Variants in ANKFN1 observed in about 807,000 individuals in gnomAD.
ANKFN1 encodes ankyrin repeat and fibronectin type-III domain-containing protein 1.
Under a neutral mutation model 108.7 loss-of-function variants are expected in ANKFN1, and 74 were observed. The ratio of observed to expected loss-of-function variants is 0.68; its 90% CI spans 0.56 to 0.83. ANKFN1 has a LOEUF of 0.83. Ranked by LOEUF, ANKFN1 falls within the 40% of genes least tolerant of loss-of-function variation. The pLI is 0.00. For missense variants in ANKFN1, 1,505 were observed against 1,382.3 expected, an observed-to-expected ratio of 1.09 and a Z score of -1.41; for synonymous variants, 547 against 516.2, an observed-to-expected ratio of 1.06 and a Z score of -0.81.
At chr17:56,218,225 C>A in intron 2 of ANKFN1, among the ~76,000 whole-genome samples, 1 of 148,718 alleles carries the variant, frequency 6.7e-6, no homozygotes, top group African/African-American at 2.5e-5. Flanking sequence ...CCCTCCCTCC[C>A]CTCTTCCCTC....
intron 19 of ANKFN1, among the ~76,000 whole-genome samples, chr17:56,495,174 T>C (rs1345420169): frequency 6.6e-6 from 1 of 152,100 alleles, no homozygotes. Flanking sequence ...GTTCAAAATA[T>C]AACTTCTTGG....
At chr17:56,129,997 A>T (rs1249706453) in intron 4 of ANKFN1, among the ~76,000 whole-genome samples, 2 of 152,250 alleles carry the variant, frequency 1.3e-5, no homozygotes, top group South Asian at 2.1e-4. Context: ...CAGGTAACAT[A>T]CTAGCAGTTT....
chr17:56,391,870 T>C (rs748417479), intron 8 of ANKFN1, among the ~76,000 whole-genome samples: 2 of 152,192 alleles, frequency 1.3e-5, no homozygotes, highest in Non-Finnish European at 2.9e-5. Flanking sequence ...CCTGTATTCC[T>C]AGCATAGGAC....
chr17:56,344,934 T>C (rs764130421), intron 4 of ANKFN1, among the ~76,000 whole-genome samples: 11 of 152,102 alleles, frequency 7.2e-5, no homozygotes, highest in Non-Finnish European at 1.5e-4. Context: ...TGTGCAAGTT[T>C]GTTACATAGG....
At chr17:56,497,920 T>C (rs1309794365) in intron 19 of ANKFN1, among the ~76,000 whole-genome samples, 1 of 152,016 alleles carries the variant, frequency 6.6e-6, no homozygotes, top group Non-Finnish European at 1.5e-5. Flanking sequence ...CAACAGCCCC[T>C]CCTTGAGATG....
chr17:56,164,261 T>C (rs972871309), intron 1 of ANKFN1, among the ~76,000 whole-genome samples: 1 of 152,194 alleles, frequency 6.6e-6, no homozygotes, highest in Non-Finnish European at 1.5e-5. Context: ...CTTCTACTCA[T>C]GTGTTACATT....
intron 18 of ANKFN1, among the ~76,000 whole-genome samples, chr17:56,489,103 G>A (rs180855045): frequency 8.5e-5 from 13 of 152,290 alleles, no homozygotes; most frequent in Non-Finnish European, 1.6e-4. Context: ...ACCCAGGTCC[G>A]TCAGATGGCT....
Position 56,492,199 on chromosome 17 carries a change from G to A in ANKFN1, c.2273G>A (p.Ser758Asn). The A allele has an allele frequency of 2.9e-6, 2 of 700,438 alleles. No homozygotes were observed. Among genetic ancestry groups the A allele is most frequent in the Non-Finnish European group, 5.2e-6 (2 of 383,096 alleles). 43.4% of individuals were successfully genotyped at this position (700,438 alleles called of 1,614,324 possible). ...GTCCATTTTCCAGTTCATTTTTGCA[G>A]CTACAGAGAGAAATTTATTAGTCTG... The part of the protein sequence containing the change: ...LQMFELVHFC[S>N]YREKFISLYC... Residue 758 changes from serine (S) to asparagine (N), a missense_variant, in exon 19 of 21, where the codon AGC becomes AAC. By Grantham distance (46) the Ser-to-Asn change is conservative. Transcript: ENST00000682825.
chr17:56,453,445 A>G (rs527890324), intron 11 of ANKFN1, among the ~76,000 whole-genome samples: 17 of 152,314 alleles, frequency 1.1e-4, no homozygotes, highest in African/African-American at 3.8e-4. Flanking sequence ...CTTGAATTAA[A>G]TCAGTCTTCT....
intron 4 of ANKFN1, among the ~76,000 whole-genome samples, chr17:56,058,271 T>C (rs1567779034): frequency 6.6e-6 from 1 of 152,222 alleles, no homozygotes; most frequent in Non-Finnish European, 1.5e-5. Context: ...CTTCTTCCAA[T>C]AGAAGGCTGT....
At chr17:56,166,470 C>T (rs1349153495) in intron 1 of ANKFN1, among the ~76,000 whole-genome samples, 3 of 152,206 alleles carry the variant, frequency 2.0e-5, no homozygotes, top group African/African-American at 7.2e-5. Context: ...CCCTTTACCT[C>T]CCTCAATGGG....
intron 3 of ANKFN1, among the ~76,000 whole-genome samples, chr17:56,274,038 G>A (rs1329950024): frequency 3.3e-5 from 5 of 152,094 alleles, no homozygotes; most frequent in Non-Finnish European, 5.9e-5. Flanking sequence ...TTGACTCTTA[G>A]CATGTCACAT....
intron 4 of ANKFN1, among the ~76,000 whole-genome samples, chr17:56,344,314 T>C (rs2144636306): frequency 6.6e-6 from 1 of 152,192 alleles, no homozygotes; most frequent in East Asian, 1.9e-4. Flanking sequence ...TTGGTTAACT[T>C]AGTGGTGAGT....
At chr17:56,377,646 A>AT (rs987369595) in intron 8 of ANKFN1, among the ~76,000 whole-genome samples, 1 of 152,102 alleles carries the variant, frequency 6.6e-6, no homozygotes, top group African/African-American at 2.4e-5. Flanking sequence ...TTTGTACCAC[A>AT]TTTTCTCCTC....
At chr17:56,131,666 G>A (rs760524470) in intron 4 of ANKFN1, among the ~76,000 whole-genome samples, 12 of 152,100 alleles carry the variant, frequency 7.9e-5, no homozygotes, top group Non-Finnish European at 1.0e-4. Flanking sequence ...AGAATTCACC[G>A]CAGTGTGGTT....
chr17:56,357,914 A>T (rs2046416214), intron 6 of ANKFN1, among the ~76,000 whole-genome samples: 2 of 152,196 alleles, frequency 1.3e-5, no homozygotes, highest in Non-Finnish European at 2.9e-5. Context: ...TGTTTTCTTC[A>T]TCTTTATCAA....
intron 4 of ANKFN1, among the ~76,000 whole-genome samples, chr17:56,063,117 C>G (rs1234132084): frequency 6.6e-6 from 1 of 152,136 alleles, no homozygotes; most frequent in African/African-American, 2.4e-5. Context: ...ATGGGCTTCC[C>G]TTTTTAGGTG....
chr17:56,069,089 T>C (rs1467652473), intron 4 of ANKFN1, among the ~76,000 whole-genome samples: 2 of 152,148 alleles, frequency 1.3e-5, no homozygotes, highest in African/African-American at 4.8e-5. Context: ...ATTGAGGAAA[T>C]GGAACTTAAG....
intron 3 of ANKFN1, among the ~76,000 whole-genome samples, chr17:56,268,322 G>C (rs146993206): frequency 6.6e-6 from 1 of 152,310 alleles, no homozygotes. Context: ...ATCTGCTCCT[G>C]AATGACCTTT....
Sources: allele counts gnomAD v4.1 joint callset (sites outside exome capture counted in the v4.1 genomes callset), GRCh38; gene constraint gnomAD v4.1.1; transcripts MANE v1.5; gene names NCBI Gene and HGNC (gene_info 2026-07-23, HGNC 2026-07-21).